NF1: variants seen among roughly 807,000 people sequenced by gnomAD.
NF1 encodes neurofibromin.
In NF1, 122 loss-of-function variants were observed where a neutral mutation model predicts 325.7. The ratio of observed to expected loss-of-function variants is 0.37; its 90% confidence interval spans 0.32 to 0.44. NF1 has a LOEUF of 0.44. Among genes scored for constraint, NF1 ranks in the 20% least tolerant of loss-of-function variants. NF1 has a pLI of 1.00. For synonymous variants in NF1, 1,091 were observed against 1,186.0 expected (o/e 0.92, Z 1.65); for missense variants, 2,140 against 3,415.4 (o/e 0.63, Z 9.31).
Position 31,226,593 on chromosome 17 carries a change from G to T in NF1, c.2160G>T (p.Arg720=), listed in dbSNP as rs765339408. The change falls in exon 18 of 58, where the codon CGG becomes CGT. Residue 720 remains arginine, a synonymous_variant. Transcript: ENST00000358273. ...ACCTCTGTGAGGAAGCAGATATCCG[G>T]TGTGGGGTGGATGAAGTGTCAGTGC... ...FRHLCEEADI[R]CGVDEVSVHN... 4.3e-6 allele frequency: 7 copies of T among 1,613,916 alleles called. No individual in the cohort carries two copies. The highest frequency in any genetic ancestry group is 1.1e-5 in the South Asian group (1 of 91,076).
intron 51 of NF1, 69 bp downstream of exon 51, chr17:31,352,483 A>G: frequency 7.2e-7 from 1 of 1,387,214 alleles, no homozygotes; most frequent in Non-Finnish European, 9.6e-7. Flanking sequence ...CTCTTGGAAA[A>G]TTATTTGAAA....
At position 31,167,145 on chromosome 17, in the gene NF1, A is replaced by G. The variant is rs935549236; in HGVS notation, c.480-2746A>G. 2.0e-5 allele frequency among the ~76,000 whole-genome samples: 3 copies of G among 151,854 alleles called. No homozygotes were observed. The highest frequency in any genetic ancestry group is 7.3e-5 in the African/African-American group (3 of 41,208). On this transcript the variant is annotated intron_variant, in intron 4 of 57. Coordinates refer to ENST00000358273, the MANE Select transcript of NF1 (RefSeq NM_001042492.3). ...CAAAATTTTTCTCCCATTTTTCACA[A>G]ACAACCACAAGAGTCAACTTTTCAG...
intron 3 of NF1, among the ~76,000 whole-genome samples, chr17:31,162,782 A>T (rs1214599203): frequency 6.6e-6 from 1 of 152,250 alleles, no homozygotes; most frequent in Non-Finnish European, 1.5e-5. Flanking sequence ...TGGCTCACCC[A>T]GGAATTTACT....
chr17:31,318,095 C>T, intron 36 of NF1: 1 of 530,044 alleles, frequency 1.9e-6, no homozygotes, highest in Non-Finnish European at 3.1e-6. Context: ...TTATTATTTG[C>T]TTTTTAAAAT....
rs200215212 is a variant in NF1 at position 31,142,920 on chromosome 17, A to G, written c.61-13063A>G. On this transcript the variant is annotated intron_variant, in intron 1 of 57. Transcript: ENST00000358273. ...GGTCATATTTTTATGTTATTTACTG[A>G]TCACTTACCTTTGAATTGCCCCTTG... 3.3e-5 allele frequency among the ~76,000 whole-genome samples: 5 copies of G among 152,032 alleles called. No homozygotes were observed. In the East Asian group the frequency reaches 7.7e-4, roughly 24 times the overall value.
intron 8 of NF1, among the ~76,000 whole-genome samples, chr17:31,192,872 T>A (rs935490826): frequency 3.3e-5 from 5 of 152,242 alleles, no homozygotes; most frequent in African/African-American, 7.2e-5. Context: ...AGGGCATGAC[T>A]TCCTAGACCC....
At chr17:31,324,969 AAGTTAACATAGAT>A (rs2069305468) in intron 36 of NF1, among the ~76,000 whole-genome samples, 1 of 152,242 alleles carries the variant, frequency 6.6e-6, no homozygotes, top group Admixed American at 6.5e-5. Flanking sequence ...CTTTGGGCCT[AAGTTAACATAGAT>A]TGTTTTGATT....
At chr17:31,301,895 C>G (rs1304755657) in intron 36 of NF1, among the ~76,000 whole-genome samples, 1 of 152,182 alleles carries the variant, frequency 6.6e-6, no homozygotes, top group Non-Finnish European at 1.5e-5. Context: ...GTGCCTTATT[C>G]TTTTGCAGTA....
rs1425102775 is a variant in NF1 at position 31,335,814 on chromosome 17, G to T, written c.6007-519G>T. 5.3e-5 allele frequency among the ~76,000 whole-genome samples: 8 copies of T among 150,484 alleles called. 1 individual carries two copies. Among genetic ancestry groups the T allele is most frequent in the Admixed American group, 5.3e-4 (8 of 15,116 alleles). On this transcript the variant is annotated intron_variant, in intron 40 of 57. Coordinates refer to ENST00000358273, the MANE Select transcript of NF1 (RefSeq NM_001042492.3). Reference sequence around the variant, plus strand: ...CCACCTCAGCCTCCCAAGTAGCTGGGCCTACAGGTGCACACCAACACACCT... The same window carrying T: ...CCACCTCAGCCTCCCAAGTAGCTGGTCCTACAGGTGCACACCAACACACCT...
At chr17:31,129,454 ATT>A (rs59199139) in intron 1 of NF1, among the ~76,000 whole-genome samples, 212 of 126,360 alleles carry the variant, frequency 1.7e-3, no homozygotes, top group East Asian at 5.0e-3. Context: ...GCATTATGAA[ATT>A]TTTTTTTTTT....
intron 1 of NF1, among the ~76,000 whole-genome samples, chr17:31,097,153 T>C (rs1056651911): frequency 6.6e-6 from 1 of 152,150 alleles, no homozygotes; most frequent in African/African-American, 2.4e-5. Flanking sequence ...TGGAAAAAGA[T>C]ACTTAAGAGA....
chr17:31,150,579 A>C (rs897666551), intron 1 of NF1, among the ~76,000 whole-genome samples: 1 of 152,160 alleles, frequency 6.6e-6, no homozygotes, highest in Non-Finnish European at 1.5e-5. Context: ...AGTTAATAAC[A>C]AGACAATCAA....
At chr17:31,201,268 T>TA in intron 10 of NF1, 109 bp downstream of exon 10, 1 of 1,507,420 alleles carries the variant, frequency 6.6e-7, no homozygotes, top group Non-Finnish European at 9.2e-7. Flanking sequence ...TTCTCACTAT[T>TA]ATGTATTGAT....
At chr17:31,274,641 G>A (rs1243143818) in intron 36 of NF1, among the ~76,000 whole-genome samples, 1 of 152,018 alleles carries the variant, frequency 6.6e-6, no homozygotes, top group Non-Finnish European at 1.5e-5. Flanking sequence ...ATTATGAATC[G>A]GAGTACTGCA....
intron 50 of NF1, 36 bp downstream of exon 50, chr17:31,350,354 T>C: frequency 1.9e-6 from 3 of 1,592,732 alleles, no homozygotes; most frequent in Non-Finnish European, 2.6e-6. Flanking sequence ...TACATAATCA[T>C]AATCAAGTTT....
chr17:31,269,246 T>TC (rs1262606811), intron 36 of NF1, among the ~76,000 whole-genome samples: 1 of 152,158 alleles, frequency 6.6e-6, no homozygotes, highest in Non-Finnish European at 1.5e-5. Flanking sequence ...CTGTATAAAG[T>TC]CCAAGTTCTG....
chr17:31,179,881 G>A (rs193248294), intron 5 of NF1, among the ~76,000 whole-genome samples: 74 of 151,804 alleles, frequency 4.9e-4, no homozygotes, highest in Middle Eastern at 3.4e-3. Context: ...AAAGAGAGGA[G>A]AATCAAATAG....
At chr17:31,162,566 A>G (rs1285228964) in intron 3 of NF1, among the ~76,000 whole-genome samples, 1 of 152,216 alleles carries the variant, frequency 6.6e-6, no homozygotes, top group Non-Finnish European at 1.5e-5. Context: ...CAGACTTGGT[A>G]TTAGATGATA....
rs1197270399 is a variant in NF1, at chr17:31,336,252, G to C, written c.6007-81G>C. The C allele has an allele frequency of 6.8e-7, 1 of 1,461,944 alleles. No individual in the cohort carries two copies. The highest frequency in any genetic ancestry group is 1.2e-5 in the South Asian group (1 of 83,920). 90.6% of individuals were successfully genotyped at this position (1,461,944 alleles called of 1,614,324 possible). A position where few individuals can be genotyped will look rare whatever the true frequency, so the allele number is the denominator to read the frequency against. ...TAAAATAGAATTTTCATATTGATTA[G>C]GCTGTTCCAATGAATATTTTTTAAT... On this transcript the variant is annotated intron_variant, in intron 40 of 57. Transcript: ENST00000358273. This position sits in a 1 kb window ranked among gnomAD's most constrained non-coding sequence, Gnocchi z 5.5.
Sources: allele counts gnomAD v4.1 joint callset (sites outside exome capture counted in the v4.1 genomes callset), GRCh38; gene constraint gnomAD v4.1.1; non-coding constraint Gnocchi (gnomAD v3.1); transcripts MANE v1.5; gene names NCBI Gene and HGNC (gene_info 2026-07-23, HGNC 2026-07-21).